Variants in ZCWPW2 observed in about 807,000 individuals in gnomAD.
ZCWPW2 encodes zinc finger CW-type and PWWP domain containing 2, also known as zinc finger CW-type PWWP domain protein 2.
In ZCWPW2, 45 loss-of-function variants were observed where a neutral mutation model predicts 46.6. That is an observed-to-expected ratio of 0.96 (90% CI 0.76 to 1.24). The LOEUF is 1.24. Ranked by LOEUF, ZCWPW2 falls within the 50% of genes most tolerant of loss-of-function variation. The pLI is 0.00. For synonymous variants in ZCWPW2, 152 were observed against 137.1 expected (o/e 1.11, Z -0.76); for missense variants, 429 against 403.9 (o/e 1.06, Z -0.53).
intron 4 of ZCWPW2, chr3:28,447,828 CA>C: frequency 9.7e-7 from 1 of 1,033,594 alleles, no homozygotes; most frequent in Non-Finnish European, 1.5e-6. Context: ...TACCTTTATA[CA>C]AAGAAGGTTG....
At position 28,354,197 on chromosome 3, in the gene ZCWPW2, C is replaced by G. The variant is rs553605506; in HGVS notation, c.-134+4994C>G. On this transcript the variant is annotated intron_variant, in intron 1 of 9. Coordinates refer to ENST00000383768, the MANE Select transcript of ZCWPW2 (RefSeq NM_001040432.4). ...TATCACCACCGATCCCACAGAGATA[C>G]AAACTATCATCAGAGAATATTATAA... 2.0e-5 allele frequency among the ~76,000 whole-genome samples: 3 copies of G among 152,074 alleles called. No individual in the cohort carries two copies. The South Asian group carries it at 6.2e-4, about 32-fold the overall frequency.
intron 1 of ZCWPW2, among the ~76,000 whole-genome samples, chr3:28,369,791 G>C (rs1705248275): frequency 1.3e-5 from 2 of 152,234 alleles, no homozygotes; most frequent in Admixed American, 6.5e-5. Flanking sequence ...TCCTTGAGCT[G>C]AGGTGGGCTC....
intron 2 of ZCWPW2, among the ~76,000 whole-genome samples, chr3:28,408,130 A>G (rs1213357998): frequency 1.3e-5 from 2 of 152,270 alleles, no homozygotes; most frequent in African/African-American, 4.8e-5. Context: ...CTATTTAAGT[A>G]ATAATGACAT....
At chr3:28,427,037 A>G (rs1335819482) in intron 3 of ZCWPW2, among the ~76,000 whole-genome samples, 3 of 152,158 alleles carry the variant, frequency 2.0e-5, no homozygotes, top group Non-Finnish European at 2.9e-5. Context: ...ATGGATTTCA[A>G]TGACTGGTAT....
chr3:28,390,472 G>T, intron 1 of ZCWPW2, 26 bp from the exon 2 acceptor site: 1 of 984,612 alleles, frequency 1.0e-6, no homozygotes, highest in Non-Finnish European at 1.2e-6. Flanking sequence ...TTTTAAATTT[G>T]CTAGATTGAT....
chr3:28,405,708 G>T (rs143288305), intron 2 of ZCWPW2, among the ~76,000 whole-genome samples: 4,854 of 151,988 alleles, frequency 0.032, 110 homozygotes, highest in Non-Finnish European at 0.049. Context: ...ACTCCTGACC[G>T]TGTGATCTGC....
rs185750439 is a variant in ZCWPW2, at chr3:28,495,337, A to T, written c.657+3164A>T. Reference sequence around the variant, plus strand: ...GTCTTGTGTGTTCATCTGGAGATTTAGACAGGAATATGTGAAGTAGTGCAG... The same window carrying T: ...GTCTTGTGTGTTCATCTGGAGATTTTGACAGGAATATGTGAAGTAGTGCAG... On this transcript the variant is annotated intron_variant, in intron 6 of 9. Transcript: ENST00000383768. Among the ~76,000 whole-genome samples, 177 of 152,298 alleles carry T rather than the reference A, an allele frequency of 1.2e-3. 1 individual carries two copies. The highest frequency in any genetic ancestry group is 1.5e-3 in the Non-Finnish European group (102 of 68,010).
At chr3:28,412,405 T>C (rs562720451) in intron 2 of ZCWPW2, among the ~76,000 whole-genome samples, 1 of 152,128 alleles carries the variant, frequency 6.6e-6, no homozygotes, top group South Asian at 2.1e-4. Context: ...TTTTGTATGT[T>C]GAAATATTTT....
chr3:28,449,944 T>C lies in ZCWPW2; in HGVS notation c.492+14675T>C, dbSNP rs187448961. 3.0e-3 allele frequency among the ~76,000 whole-genome samples: 455 copies of C among 152,296 alleles called. 5 individuals carry two copies. The highest frequency in any genetic ancestry group is 0.01 in the African/African-American group (424 of 41,562). Reference sequence around the variant, plus strand: ...AGTGTAGTGTTTTAGTGTAGAGTAATGTAGTGTTTGCTCTTCATGCAAGTC... The same window carrying C: ...AGTGTAGTGTTTTAGTGTAGAGTAACGTAGTGTTTGCTCTTCATGCAAGTC... On this transcript the variant is annotated intron_variant, in intron 4 of 9. Transcript: ENST00000383768.
At chr3:28,360,781 A>C (rs1335822901) in intron 1 of ZCWPW2, among the ~76,000 whole-genome samples, 2 of 152,160 alleles carry the variant, frequency 1.3e-5, no homozygotes, top group African/African-American at 4.8e-5. Flanking sequence ...CCTAAAACTC[A>C]TATGGCATGT....
chr3:28,491,979 A>T, intron 5 of ZCWPW2, 148 bp from the exon 6 acceptor site: 1 of 708,582 alleles, frequency 1.4e-6, no homozygotes, highest in Non-Finnish European at 2.4e-6. Context: ...AGCTCAGTTT[A>T]CTAGCATATT....
intron 4 of ZCWPW2, among the ~76,000 whole-genome samples, chr3:28,440,156 C>T (rs1697690357): frequency 6.6e-6 from 1 of 152,184 alleles, no homozygotes; most frequent in Admixed American, 6.5e-5. Flanking sequence ...TTCCTTACCT[C>T]CATTGTGGAG....
intron 2 of ZCWPW2, among the ~76,000 whole-genome samples, chr3:28,399,104 T>A (rs527832916): frequency 2.0e-4 from 30 of 152,244 alleles, no homozygotes; most frequent in Middle Eastern, 3.4e-3. Flanking sequence ...GGGGGCATGG[T>A]GGGGGTGACA....
At chr3:28,395,232 G>A (rs974611336) in intron 2 of ZCWPW2, among the ~76,000 whole-genome samples, 1 of 152,002 alleles carries the variant, frequency 6.6e-6, no homozygotes, top group African/African-American at 2.4e-5. Context: ...TACCTGCAAG[G>A]GTGGCTATTA....
chr3:28,482,402 G>T (rs572854515), intron 5 of ZCWPW2, among the ~76,000 whole-genome samples: 1 of 152,028 alleles, frequency 6.6e-6, no homozygotes, highest in African/African-American at 2.4e-5. Context: ...ATTCACCTAT[G>T]AAAGGACATC....
chr3:28,366,746 G>A (rs1275622597), intron 1 of ZCWPW2, among the ~76,000 whole-genome samples: 6 of 152,188 alleles, frequency 3.9e-5, no homozygotes, highest in Non-Finnish European at 8.8e-5. Context: ...ACCTCTGGTA[G>A]AATTCGGCTG....
At chr3:28,381,505 G>C (rs566059353) in intron 1 of ZCWPW2, among the ~76,000 whole-genome samples, 2 of 152,244 alleles carry the variant, frequency 1.3e-5, no homozygotes, top group East Asian at 3.9e-4. Flanking sequence ...GAAGGTGGAA[G>C]AAAGTCTGCA....
intron 1 of ZCWPW2, among the ~76,000 whole-genome samples, chr3:28,370,290 T>C (rs903857136): frequency 6.6e-6 from 1 of 152,204 alleles, no homozygotes; most frequent in Non-Finnish European, 1.5e-5. Context: ...TATTTGGCCA[T>C]CTTTGCTTCA....
At chr3:28,443,323 T>C (rs12493797) in intron 4 of ZCWPW2, among the ~76,000 whole-genome samples, 33,317 of 152,008 alleles carry the variant, frequency 0.22, 3,959 homozygotes, top group Admixed American at 0.28. Context: ...ACTGCATAAA[T>C]TGTCGGTAAT....
Sources: allele counts gnomAD v4.1 joint callset (sites outside exome capture counted in the v4.1 genomes callset), GRCh38; gene constraint gnomAD v4.1.1; transcripts MANE v1.5; gene names NCBI Gene and HGNC (gene_info 2026-07-23, HGNC 2026-07-21).